Variants in NALF1 observed in about 807,000 individuals in gnomAD.
NALF1 encodes family with sequence similarity 155 member A.
Under a neutral mutation model 48.4 loss-of-function variants are expected in NALF1, and 3 were observed. That is an observed-to-expected ratio of 0.06 (90% confidence interval 0.03 to 0.16). The LOEUF is 0.16. NALF1 is among the 10% of genes least tolerant of loss of function. NALF1 has a pLI of 1.00. For missense variants in NALF1, 526 were observed against 571.5 expected, an observed-to-expected ratio of 0.92 and a Z score of 0.81; for synonymous variants, 262 against 245.7, an observed-to-expected ratio of 1.07 and a Z score of -0.62.
At chr13:107,413,697 A>G (rs985078535) in intron 1 of NALF1, among the ~76,000 whole-genome samples, 1 of 152,202 alleles carries the variant, frequency 6.6e-6, no homozygotes, top group African/African-American at 2.4e-5. Context: ...CATTAGGAAC[A>G]CAAAGACTAC....
intron 1 of NALF1, among the ~76,000 whole-genome samples, chr13:107,511,503 C>A (rs1241438715): frequency 6.6e-6 from 1 of 152,072 alleles, no homozygotes; most frequent in Non-Finnish European, 1.5e-5. Flanking sequence ...TCCCAAATAC[C>A]AGCCAATACC....
At chr13:107,291,079 C>A (rs1440039518) in intron 1 of NALF1, among the ~76,000 whole-genome samples, 2 of 150,766 alleles carry the variant, frequency 1.3e-5, no homozygotes, top group East Asian at 1.9e-4. Context: ...TTTCTTTCTC[C>A]TTAGGCAGAT....
At chr13:107,769,575 G>A (rs542386073) in intron 1 of NALF1, among the ~76,000 whole-genome samples, 175 of 150,076 alleles carry the variant, frequency 1.2e-3, no homozygotes, top group African/African-American at 2.5e-3. Context: ...AGCATCGGGA[G>A]ATATACCTAA....
intron 1 of NALF1, among the ~76,000 whole-genome samples, chr13:107,637,253 GTA>G (rs35514972): frequency 0.33 from 49,692 of 150,918 alleles, 9,107 homozygotes; most frequent in East Asian, 0.51. Flanking sequence ...GTGTGTGTGT[GTA>G]TATATATATA....
intron 1 of NALF1, among the ~76,000 whole-genome samples, chr13:107,564,306 A>G (rs566782060): frequency 1.2e-4 from 18 of 152,354 alleles, no homozygotes; most frequent in African/African-American, 4.1e-4. Context: ...AAAGTGAGAG[A>G]CACAGATTGA....
chr13:107,598,368 T>G (rs1420062682), intron 1 of NALF1, among the ~76,000 whole-genome samples: 2 of 152,234 alleles, frequency 1.3e-5, no homozygotes, highest in African/African-American at 4.8e-5. Flanking sequence ...CCTATGCTCA[T>G]GTTTTTAAGT....
At chr13:107,436,466 T>C (rs1316834372) in intron 1 of NALF1, among the ~76,000 whole-genome samples, 2 of 152,162 alleles carry the variant, frequency 1.3e-5, no homozygotes, top group Non-Finnish European at 2.9e-5. Context: ...CAAAACAACA[T>C]GTTTTTAAAC....
chr13:107,440,654 A>T (rs1206143654), intron 1 of NALF1, among the ~76,000 whole-genome samples: 1 of 152,140 alleles, frequency 6.6e-6, no homozygotes, highest in African/African-American at 2.4e-5. Context: ...GCATCTGCTG[A>T]TTCTGCACGT....
intron 2 of NALF1, among the ~76,000 whole-genome samples, chr13:107,203,131 T>C (rs1030366118): frequency 2.6e-5 from 4 of 152,230 alleles, no homozygotes; most frequent in African/African-American, 9.6e-5. Context: ...GATGTCTTAC[T>C]TGCAGACAAG....
intron 1 of NALF1, among the ~76,000 whole-genome samples, chr13:107,308,129 T>C (rs534055385): frequency 2.0e-4 from 31 of 152,162 alleles, no homozygotes; most frequent in African/African-American, 7.5e-4. Context: ...TCCTCCATTA[T>C]TTTTTACCCA....
intron 1 of NALF1, among the ~76,000 whole-genome samples, chr13:107,555,180 C>A (rs1877423437): frequency 6.6e-6 from 1 of 151,916 alleles, no homozygotes; most frequent in African/African-American, 2.4e-5. Context: ...GAATAGGGCT[C>A]CAAACTGGAT....
At chr13:107,280,625 A>C (rs1404140601) in intron 1 of NALF1, among the ~76,000 whole-genome samples, 1 of 152,214 alleles carries the variant, frequency 6.6e-6, no homozygotes, top group Non-Finnish European at 1.5e-5. Context: ...TCTTAGCATA[A>C]AATTTTTCCC....
chr13:107,717,133 T>C (rs934498826), intron 1 of NALF1, among the ~76,000 whole-genome samples: 1 of 152,194 alleles, frequency 6.6e-6, no homozygotes, highest in African/African-American at 2.4e-5. Flanking sequence ...GTGCTTTATG[T>C]TGTGCCAGTA....
At chr13:107,655,359 C>G (rs1388354356) in intron 1 of NALF1, among the ~76,000 whole-genome samples, 5 of 152,080 alleles carry the variant, frequency 3.3e-5, no homozygotes, top group Admixed American at 3.3e-4. Flanking sequence ...TAATCACCAA[C>G]AGTGACCAAA....
At chr13:107,783,873 TAAAAAA>T (rs66692507) in intron 1 of NALF1, among the ~76,000 whole-genome samples, 1 of 133,082 alleles carries the variant, frequency 7.5e-6, no homozygotes, top group Non-Finnish European at 1.6e-5. Flanking sequence ...AAATAAAAAT[TAAAAAA>T]AAAAAAAAAA....
At chr13:107,857,007 C>A (rs1022827627) in intron 1 of NALF1, among the ~76,000 whole-genome samples, 5 of 152,224 alleles carry the variant, frequency 3.3e-5, no homozygotes, top group Non-Finnish European at 7.3e-5. Flanking sequence ...TAAAGCAACA[C>A]AAAGCATTGG....
intron 1 of NALF1, among the ~76,000 whole-genome samples, chr13:107,855,446 C>G (rs1880420647): frequency 6.6e-6 from 1 of 152,174 alleles, no homozygotes; most frequent in Non-Finnish European, 1.5e-5. Flanking sequence ...AATGTGGCCC[C>G]CAGAAGCCAA....
At chr13:107,227,006 C>T (rs752290462) in intron 1 of NALF1, among the ~76,000 whole-genome samples, 2 of 152,182 alleles carry the variant, frequency 1.3e-5, no homozygotes, top group African/African-American at 4.8e-5. Context: ...CATATTGTAT[C>T]CAGACATTCT....
chr13:107,343,993 A>G (rs1420833121), intron 1 of NALF1, among the ~76,000 whole-genome samples: 3 of 152,074 alleles, frequency 2.0e-5, no homozygotes, highest in Non-Finnish European at 2.9e-5. Context: ...AAGTAACTAA[A>G]ATCAGAAATG....
Sources: allele counts gnomAD v4.1 joint callset (sites outside exome capture counted in the v4.1 genomes callset), GRCh38; gene constraint gnomAD v4.1.1; transcripts MANE v1.5; gene names NCBI Gene and HGNC (gene_info 2026-07-23, HGNC 2026-07-21).